Variants in KHDRBS2 observed in about 807,000 individuals in gnomAD.
KHDRBS2 encodes the protein KH RNA binding domain containing, signal transduction associated 2.
A neutral mutation model predicts 44.3 loss-of-function variants in KHDRBS2; 26 were observed. The observed-to-expected ratio is 0.59, with a 90% CI of 0.43 to 0.81. The LOEUF is 0.81. KHDRBS2 is among the 40% of genes least tolerant of loss of function. The pLI is 0.00. For synonymous variants in KHDRBS2, 194 were observed against 151.1 expected, an observed-to-expected ratio of 1.28 and a Z score of -2.08; for missense variants, 476 against 433.1, an observed-to-expected ratio of 1.10 and a Z score of -0.88.
At chr6:61,891,075 C>T (rs1462822777) in intron 6 of KHDRBS2, among the ~76,000 whole-genome samples, 1 of 151,922 alleles carries the variant, frequency 6.6e-6, no homozygotes, top group Non-Finnish European at 1.5e-5. Context: ...GTTTTGAGTG[C>T]CCAGTATGTG....
At chr6:61,888,861 G>A (rs1336988844) in intron 6 of KHDRBS2, among the ~76,000 whole-genome samples, 1 of 151,812 alleles carries the variant, frequency 6.6e-6, no homozygotes, top group Non-Finnish European at 1.5e-5. Flanking sequence ...GGGCCCGGCT[G>A]GTACAGACCT....
At chr6:61,713,013 T>C (rs1318903021) in intron 7 of KHDRBS2, among the ~76,000 whole-genome samples, 2 of 151,640 alleles carry the variant, frequency 1.3e-5, no homozygotes, top group Non-Finnish European at 2.9e-5. Context: ...TAAAAAGCTA[T>C]TTATAATGAT....
In KHDRBS2 at chr6:61,697,272, G is replaced by C. The variant is rs773600916; in HGVS notation, c.894-19C>G. ...AGGCACACTGCAACAAATTTAGATA[G>C]CAATCAATGTTACTATAACCAGGAA... On this transcript the variant is annotated intron_variant, in intron 7 of 8. Coordinates refer to ENST00000281156, the MANE Select transcript of KHDRBS2 (RefSeq NM_152688.4). The C allele has an allele frequency of 6.6e-7, 1 of 1,521,390 alleles. No homozygotes were observed. Among genetic ancestry groups the C allele is most frequent in the Non-Finnish European group, 9.1e-7 (1 of 1,095,944 alleles). 94.2% of individuals were successfully genotyped at this position (1,521,390 alleles called of 1,614,324 possible).
At chr6:62,018,440 C>T (rs1391919744) in intron 3 of KHDRBS2, among the ~76,000 whole-genome samples, 3 of 151,986 alleles carry the variant, frequency 2.0e-5, no homozygotes, top group Non-Finnish European at 2.9e-5. Context: ...CTCCGCCTCC[C>T]AGTTTCACGC....
At chr6:61,832,855 T>G (rs1258987528) in intron 6 of KHDRBS2, among the ~76,000 whole-genome samples, 1 of 152,208 alleles carries the variant, frequency 6.6e-6, no homozygotes, top group Non-Finnish European at 1.5e-5. Flanking sequence ...ACCATGACTT[T>G]TTTGGTTTTA....
At chr6:61,594,246 A>AC in the KHDRBS2 span, among the ~76,000 whole-genome samples, 6 of 91,884 alleles carry the variant, frequency 6.5e-5, no homozygotes, top group African/African-American at 2.4e-4. Flanking sequence ...AACAGTTTAA[A>AC]CAAAAAAATA....
At position 61,925,586 on chromosome 6, in the gene KHDRBS2, C is replaced by T. The variant is rs184778265; in HGVS notation, c.484-24215G>A. ...TTAAAAAGCCAGGCATAGTGGTGTGCACCTGTACACCTGTAGTCCCAGCTT... is the reference window on the plus strand; with the variant it reads ...TTAAAAAGCCAGGCATAGTGGTGTGTACCTGTACACCTGTAGTCCCAGCTT... On this transcript the variant is annotated intron_variant, in intron 4 of 8. Coordinates refer to ENST00000281156, the MANE Select transcript of KHDRBS2 (RefSeq NM_152688.4). 4.6e-5 allele frequency among the ~76,000 whole-genome samples: 7 copies of T among 151,984 alleles called. No homozygotes were observed. In the East Asian group the frequency reaches 1.4e-3, roughly 30 times the overall value.
At chr6:61,812,383 C>T (rs1301578953) in intron 6 of KHDRBS2, among the ~76,000 whole-genome samples, 1 of 152,062 alleles carries the variant, frequency 6.6e-6, no homozygotes, top group African/African-American at 2.4e-5. Context: ...TAAATAATAA[C>T]TCCAAAGACA....
the KHDRBS2 span, among the ~76,000 whole-genome samples, chr6:61,608,340 G>A: frequency 6.6e-6 from 1 of 150,638 alleles, no homozygotes; most frequent in African/African-American, 2.4e-5. Context: ...ATATGTGTGT[G>A]TGTGTGTGTG....
intron 6 of KHDRBS2, among the ~76,000 whole-genome samples, chr6:61,846,353 T>C (rs1028427393): frequency 7.9e-5 from 12 of 152,198 alleles, no homozygotes; most frequent in African/African-American, 2.9e-4. Flanking sequence ...ATAGAAAATC[T>C]AACCACAGTT....
chr6:62,188,653 G>A (rs1518916), intron 1 of KHDRBS2, among the ~76,000 whole-genome samples: 92,265 of 151,798 alleles, frequency 0.61, 28,194 homozygotes, highest in Non-Finnish European at 0.62. Context: ...ATGAAACAAC[G>A]TGCAAGACAT....
At chr6:62,261,314 C>T (rs1159607982) in intron 1 of KHDRBS2, among the ~76,000 whole-genome samples, 1 of 151,840 alleles carries the variant, frequency 6.6e-6, no homozygotes, top group African/African-American at 2.4e-5. Flanking sequence ...CATGGAACTA[C>T]TTAACAGTTC....
chr6:61,572,029 G>C, the KHDRBS2 span, among the ~76,000 whole-genome samples: 1 of 151,974 alleles, frequency 6.6e-6, no homozygotes, highest in African/African-American at 2.4e-5. Context: ...GAAATAAAAA[G>C]CTGGTTCTTT....
At chr6:61,588,842 TAAAG>T in the KHDRBS2 span, among the ~76,000 whole-genome samples, 1 of 151,672 alleles carries the variant, frequency 6.6e-6, no homozygotes, top group Non-Finnish European at 1.5e-5. Flanking sequence ...ATAGACTCGA[TAAAG>T]AAAATGTGGC....
chr6:62,206,343 C>T (rs1827970121), intron 1 of KHDRBS2, among the ~76,000 whole-genome samples: 1 of 152,048 alleles, frequency 6.6e-6, no homozygotes, highest in African/African-American at 2.4e-5. Context: ...TGTAGCTTTT[C>T]TCAAAACGTT....
intron 4 of KHDRBS2, among the ~76,000 whole-genome samples, chr6:61,954,589 T>C (rs911157477): frequency 1.4e-5 from 2 of 139,148 alleles, no homozygotes; most frequent in Non-Finnish European, 1.6e-5. Flanking sequence ...CATATTTATG[T>C]ATATATACAC....
At chr6:61,606,224 T>C in the KHDRBS2 span, among the ~76,000 whole-genome samples, 2 of 152,296 alleles carry the variant, frequency 1.3e-5, no homozygotes, top group African/African-American at 4.8e-5. Context: ...AAAAGCTTTA[T>C]TGCTCACACA....
chr6:61,851,182 G>GA (rs1039646195), intron 6 of KHDRBS2, among the ~76,000 whole-genome samples: 44 of 150,974 alleles, frequency 2.9e-4, no homozygotes, highest in African/African-American at 9.0e-4. Context: ...AGCCTCTGTT[G>GA]AAAAAATGAG....
chr6:62,129,876 G>A (rs1324323148), intron 2 of KHDRBS2, among the ~76,000 whole-genome samples: 2 of 151,992 alleles, frequency 1.3e-5, no homozygotes, highest in Non-Finnish European at 2.9e-5. Flanking sequence ...TAATAAAATT[G>A]CAATTATCAC....
Sources: allele counts gnomAD v4.1 joint callset (sites outside exome capture counted in the v4.1 genomes callset), GRCh38; gene constraint gnomAD v4.1.1; transcripts MANE v1.5; gene names NCBI Gene and HGNC (gene_info 2026-07-23, HGNC 2026-07-21).